The following ADAMTSL3 variants were observed in gnomAD, a reference collection of about 807,000 sequenced individuals.
The protein encoded by ADAMTSL3 is ADAMTS-like protein 3.
Under a neutral mutation model 201.7 loss-of-function variants are expected in ADAMTSL3, and 128 were observed. That is an observed-to-expected ratio of 0.63 (90% confidence interval 0.55 to 0.73). The LOEUF (loss-of-function observed/expected upper bound fraction) is 0.73. Among genes scored for constraint, ADAMTSL3 ranks in the 30% least tolerant of loss-of-function variants. The pLI is 0.00. For missense variants in ADAMTSL3, 1,990 were observed against 2,119.6 expected (o/e 0.94, Z 1.20); for synonymous variants, 738 against 748.4 (o/e 0.99, Z 0.23).
chr15:83,657,666 G>A (rs999199732), intron 2 of ADAMTSL3, among the ~76,000 whole-genome samples: 1 of 152,264 alleles, frequency 6.6e-6, no homozygotes, highest in Non-Finnish European at 1.5e-5. Flanking sequence ...GCATTCTGCT[G>A]TTGCTGCTGC....
intron 9 of ADAMTSL3, among the ~76,000 whole-genome samples, chr15:83,876,594 A>G (rs899766388): frequency 1.3e-5 from 2 of 152,008 alleles, no homozygotes; most frequent in African/African-American, 4.8e-5. Context: ...TCATGAAGAA[A>G]TTCTTCTTTT....
chr15:83,820,552 A>G (rs1158161887), intron 6 of ADAMTSL3, among the ~76,000 whole-genome samples: 1 of 152,240 alleles, frequency 6.6e-6, no homozygotes, highest in South Asian at 2.1e-4. Context: ...GGGTCTGGGG[A>G]ATACACTTTG....
intron 4 of ADAMTSL3, among the ~76,000 whole-genome samples, chr15:83,799,502 A>G (rs2063484105): frequency 6.6e-6 from 1 of 152,134 alleles, no homozygotes; most frequent in South Asian, 2.1e-4. Context: ...GTTAACTACT[A>G]TTTTAAAAAT....
At chr15:83,867,671 C>T (rs949952944) in intron 8 of ADAMTSL3, among the ~76,000 whole-genome samples, 4 of 152,140 alleles carry the variant, frequency 2.6e-5, no homozygotes, top group Admixed American at 1.3e-4. Flanking sequence ...CTCTACTGTA[C>T]ATATAAGTTT....
At chr15:83,661,042 C>T (rs2061155360) in intron 2 of ADAMTSL3, among the ~76,000 whole-genome samples, 1 of 144,708 alleles carries the variant, frequency 6.9e-6, no homozygotes, top group African/African-American at 2.6e-5. Context: ...ATAGGGAATC[C>T]TTTCCCCATT....
chr15:83,788,490 A>G (rs1243037234), intron 4 of ADAMTSL3, among the ~76,000 whole-genome samples: 1 of 152,154 alleles, frequency 6.6e-6, no homozygotes, highest in African/African-American at 2.4e-5. Context: ...ATTTTTCCAT[A>G]TATATAGTTA....
chr15:83,773,488 G>GGT, intron 3 of ADAMTSL3, 35 bp from the exon 4 acceptor site: 1 of 1,427,096 alleles, frequency 7.0e-7, no homozygotes, highest in South Asian at 1.3e-5. Flanking sequence ...TTATTGTGTG[G>GGT]TTTTTTTTTT....
intron 6 of ADAMTSL3, among the ~76,000 whole-genome samples, chr15:83,822,471 T>C (rs2063900405): frequency 7.9e-6 from 1 of 127,188 alleles, no homozygotes; most frequent in East Asian, 2.5e-4. Flanking sequence ...TCTCCTCACT[T>C]CTCAGACGGG....
chr15:83,730,576 C>T (rs186361647), intron 3 of ADAMTSL3, among the ~76,000 whole-genome samples: 27 of 151,894 alleles, frequency 1.8e-4, no homozygotes, highest in African/African-American at 6.3e-4. Context: ...CAAAACCAGC[C>T]TCAAGAACCC....
intron 4 of ADAMTSL3, among the ~76,000 whole-genome samples, chr15:83,796,709 C>T (rs12441069): frequency 0.15 from 22,704 of 152,002 alleles, 2,275 homozygotes; most frequent in Middle Eastern, 0.32. Context: ...GTGGCATAGG[C>T]GGGAGTAGCA....
chr15:83,992,872 C>T (rs939672925), intron 23 of ADAMTSL3, among the ~76,000 whole-genome samples: 2 of 152,206 alleles, frequency 1.3e-5, no homozygotes, highest in Admixed American at 6.5e-5. Flanking sequence ...GGCCATGGGT[C>T]TGCAGCACTG....
chr15:83,749,361 A>G (rs967091795), intron 3 of ADAMTSL3, among the ~76,000 whole-genome samples: 2 of 152,198 alleles, frequency 1.3e-5, no homozygotes, highest in Admixed American at 1.3e-4. Context: ...AGGCTGTTTG[A>G]TAGTACACTC....
chr15:83,971,111 T>C (rs2067187063), intron 20 of ADAMTSL3, among the ~76,000 whole-genome samples: 1 of 152,258 alleles, frequency 6.6e-6, no homozygotes, highest in South Asian at 2.1e-4. Flanking sequence ...TGGCAGTTTG[T>C]ACACCTCAAT....
intron 28 of ADAMTSL3, among the ~76,000 whole-genome samples, chr15:84,036,395 A>G (rs532246947): frequency 2.6e-5 from 4 of 152,336 alleles, no homozygotes; most frequent in Admixed American, 1.3e-4. Flanking sequence ...AGTCTTGTTA[A>G]TGAATTTGAG....
At chr15:83,782,043 C>T (rs1048762738) in intron 4 of ADAMTSL3, among the ~76,000 whole-genome samples, 8 of 152,018 alleles carry the variant, frequency 5.3e-5, no homozygotes, top group African/African-American at 1.9e-4. Flanking sequence ...CAGAAATAAC[C>T]GTTAGACCCA....
At chr15:83,823,083 G>A (rs1051191822) in intron 6 of ADAMTSL3, among the ~76,000 whole-genome samples, 1 of 151,716 alleles carries the variant, frequency 6.6e-6, no homozygotes, top group Non-Finnish European at 1.5e-5. Flanking sequence ...CAAATTGCAG[G>A]CACTCGGCAG....
In ADAMTSL3 at chr15:83,969,058, C is replaced by T. The variant is rs145457862; in HGVS notation, c.2491-1426C>T. On this transcript the variant is annotated intron_variant, in intron 19 of 29. Coordinates refer to ENST00000286744, the MANE Select transcript of ADAMTSL3 (RefSeq NM_207517.3). ...TAGAAGAAATACCTAATGTAGATGA[C>T]GGGTTGATGGGTGCAGCAAACCACC... is the stretch of plus-strand genomic sequence containing the variant. Among the ~76,000 whole-genome samples, 33 of 152,186 alleles carry T rather than the reference C, an allele frequency of 2.2e-4. No individual in the cohort carries two copies. In the Middle Eastern group the frequency reaches 0.01, roughly 47 times the overall value.
rs1005028289 is a variant in ADAMTSL3 at position 83,881,363 on chromosome 15, G to A, written c.961-3738G>A. Reference sequence around the variant, plus strand: ...AGCTCTAGTGTTCGCTTTCCACTACGTGAGGCTGATGACAGATCTGTCCAG... The same window carrying A: ...AGCTCTAGTGTTCGCTTTCCACTACATGAGGCTGATGACAGATCTGTCCAG... On this transcript the variant is annotated intron_variant, in intron 9 of 29. Coordinates refer to ENST00000286744, the MANE Select transcript of ADAMTSL3 (RefSeq NM_207517.3). Among the ~76,000 whole-genome samples the A allele has an allele frequency of 5.3e-5, 8 of 152,260 alleles. No individual in the cohort carries two copies. The East Asian group carries it at 5.8e-4, about 11-fold the overall frequency.
intron 3 of ADAMTSL3, among the ~76,000 whole-genome samples, chr15:83,729,548 C>T (rs1034589722): frequency 1.3e-5 from 2 of 151,854 alleles, no homozygotes; most frequent in African/African-American, 4.8e-5. Context: ...GATTCTGATG[C>T]ATTCTTCTAT....
Sources: allele counts gnomAD v4.1 joint callset (sites outside exome capture counted in the v4.1 genomes callset), GRCh38; gene constraint gnomAD v4.1.1; transcripts MANE v1.5; gene names NCBI Gene and HGNC (gene_info 2026-07-23, HGNC 2026-07-21).